BCL3: variants seen among roughly 807,000 people sequenced by gnomAD.
BCL3 encodes the protein B-cell lymphoma 3 protein.
In BCL3, 15 loss-of-function variants were observed where a neutral mutation model predicts 35.7. The observed-to-expected ratio is 0.42, with a 90% CI of 0.28 to 0.65. The LOEUF is 0.65. Among genes scored for constraint, BCL3 ranks in the 30% least tolerant of loss-of-function variants. The pLI is 0.22. For synonymous variants in BCL3, 311 were observed against 284.3 expected (o/e 1.09, Z -0.95); for missense variants, 565 against 641.7 (o/e 0.88, Z 1.29).
At chr19:44,747,926 T>TGCCCCC (rs1599835035), upstream of BCL3, 82 of 1,186,624 alleles carry the variant, frequency 6.9e-5, no homozygotes, top group Middle Eastern at 3.7e-4. Flanking sequence ...AGTGGAGCGC[T>TGCCCCC]CCCCACCCTC....
chr19:44,756,607 G>T (rs192486448), intron 3 of BCL3, among the ~76,000 whole-genome samples: 1 of 149,886 alleles, frequency 6.7e-6, no homozygotes, highest in Admixed American at 6.6e-5. Context: ...CTGGGTCTGA[G>T]GGAGGAGGGC....
chr19:44,758,935 C>A, intron 8 of BCL3, 94 bp downstream of exon 8: 2 of 1,112,092 alleles, frequency 1.8e-6, no homozygotes, highest in South Asian at 1.6e-5. Context: ...ATCCAGGAGT[C>A]CAGGCCCCTA....
chr19:44,756,774 A>AG lies in BCL3; in HGVS notation c.520-240dup, dbSNP rs375139748. ...GGGGCCTAAAGACCTCCTAGTGAGGAGGGAGGGGGCTGGGGACCCAGAATT... is the reference window on the plus strand; with the variant it reads ...GGGGCCTAAAGACCTCCTAGTGAGGAGGGGAGGGGGCTGGGGACCCAGAATT... On this transcript the variant is annotated intron_variant, in intron 3 of 8. Transcript: ENST00000164227. Among the ~76,000 whole-genome samples the AG allele has an allele frequency of 3.6e-3, 509 of 142,912 alleles. 5 individuals carry two copies. Among genetic ancestry groups the AG allele is most frequent in the African/African-American group, 0.013 (492 of 37,994 alleles). The allele number at this position is 142,912 out of a possible 152,430, so 93.8% of individuals were successfully genotyped here.
rs1967321717 is a variant in BCL3 at position 44,757,594 on chromosome 19, C to A, written c.814-52C>A. 2.6e-5 allele frequency: 42 copies of A among 1,599,538 alleles called. No homozygotes were observed. In the South Asian group the frequency reaches 3.5e-4, roughly 13 times the overall value. On this transcript the variant is annotated intron_variant, in intron 5 of 8. Coordinates refer to ENST00000164227, the MANE Select transcript of BCL3 (RefSeq NM_005178.5). The surrounding 1 kb of genome is among the most constrained non-coding windows in gnomAD (Gnocchi z 8.4). ...GGGATGTGGACGGGATGCGGGTCGC[C>A]GGCTGCTGGAGCAGAGCTTGGAGAA...
rs1330571514 is a variant in BCL3 at position 44,759,416 on chromosome 19, T to C, written c.1178-12T>C. The C allele has an allele frequency of 3.2e-6, 5 of 1,540,574 alleles. No individual in the cohort carries two copies. In the South Asian group the frequency reaches 4.5e-5, roughly 14 times the overall value. ...CTCACCACCCACCCCTCTGTCTCTC[T>C]TCCTTCCTCAGGTCTTCTCTCCGCA... On this transcript the variant is annotated splice_polypyrimidine_tract_variant and intron_variant, in intron 8 of 8. Coordinates refer to ENST00000164227, the MANE Select transcript of BCL3 (RefSeq NM_005178.5).
chr19:44,750,950 G>T (rs1967166808), intron 1 of BCL3, among the ~76,000 whole-genome samples: 1 of 152,130 alleles, frequency 6.6e-6, no homozygotes, highest in South Asian at 2.1e-4. Flanking sequence ...TGCACCCTCT[G>T]TTCTTAAGGG....
rs996513695 is a variant in BCL3 at position 44,757,874 on chromosome 19, C to G, written c.891+151C>G. 3 of 775,054 alleles carry G rather than the reference C, an allele frequency of 3.9e-6. No individual in the cohort carries two copies. In the African/African-American group the frequency reaches 5.2e-5, roughly 14 times the overall value. The allele number at this position is 775,054 out of a possible 1,614,324, so 48.0% of individuals were successfully genotyped here. ...CTGATCCTTTAAGGCCTAGTTTTCT[C>G]GACCCTCGGGCTCCACGCCCCTGGC... On this transcript the variant is annotated intron_variant, in intron 6 of 8. Coordinates refer to ENST00000164227, the MANE Select transcript of BCL3 (RefSeq NM_005178.5). This position sits in a 1 kb window ranked among gnomAD's most constrained non-coding sequence, Gnocchi z 8.4.
At chr19:44,751,682 A>T (rs999715171) in intron 2 of BCL3, among the ~76,000 whole-genome samples, 1 of 151,808 alleles carries the variant, frequency 6.6e-6, no homozygotes. Context: ...GCTCACTGCA[A>T]CCTCTGCCCC....
chr19:44,758,651 A>C (rs148275512), intron 7 of BCL3, 73 bp from the exon 8 acceptor site: 1 of 1,386,262 alleles, frequency 7.2e-7, no homozygotes, highest in Non-Finnish European at 1.0e-6. Flanking sequence ...ACCTGGATCC[A>C]GTGAGCTAGG....
In BCL3 at chr19:44,758,350, C is replaced by T; in HGVS notation, c.996C>T (p.Gly332=). The change falls in exon 7 of 9, where the codon GGC becomes GGT. Residue 332 remains glycine (G), a synonymous_variant. Transcript: ENST00000164227. Reference sequence around the variant, plus strand: ...TGGTGCGCACGCTGGTCCGCAGCGGCGCTGACAGCAGCCTCAAGAACTGCC... The same window carrying T: ...TGGTGCGCACGCTGGTCCGCAGCGGTGCTGACAGCAGCCTCAAGAACTGCC... The part of the protein sequence containing the change: ...LPLVRTLVRS[G]ADSSLKNCHN... 6.4e-7 allele frequency: 1 copy of T among 1,557,274 alleles called. No homozygotes were observed.
intron 8 of BCL3, 74 bp downstream of exon 8, chr19:44,758,915 C>T (rs986598609): frequency 7.8e-7 from 1 of 1,284,704 alleles, no homozygotes; most frequent in Non-Finnish European, 1.1e-6. Flanking sequence ...CACAGCCCCT[C>T]CTCCCTCAGA....
intron 3 of BCL3, among the ~76,000 whole-genome samples, 158 bp downstream of exon 3, chr19:44,756,498 G>A (rs1967286408): frequency 6.7e-6 from 1 of 150,006 alleles, no homozygotes; most frequent in African/African-American, 2.5e-5. Context: ...TCCTGGGTCT[G>A]ATGGAGGAGG....
intron 2 of BCL3, among the ~76,000 whole-genome samples, chr19:44,754,464 C>CGGG (rs1967243954): frequency 2.0e-5 from 3 of 152,276 alleles, no homozygotes; most frequent in Admixed American, 2.0e-4. Flanking sequence ...ACAGGCTTCC[C>CGGG]TCCCCCGGGA....
upstream of BCL3, chr19:44,747,947 C>G: frequency 8.1e-7 from 1 of 1,239,156 alleles, no homozygotes; most frequent in Non-Finnish European, 1.0e-6. Context: ...ACCCCACCCC[C>G]AGCCCCTTTA....
chr19:44,759,568 G>A lies in BCL3; in HGVS notation c.1318G>A (p.Gly440Ser), dbSNP rs780610389. 2.1e-5 allele frequency: 34 copies of A among 1,610,446 alleles called. No homozygotes were observed. Among genetic ancestry groups the A allele is most frequent in the Non-Finnish European group, 2.7e-5 (32 of 1,179,386 alleles). ...AFLPFAGVLR[G>S]PGRPVPPSPA... Reference sequence around the variant, plus strand: ...CCTGCCCTTTGCTGGGGTCCTCCGAGGCCCTGGCCGGCCGGTGCCCCCCTC... The same window carrying A: ...CCTGCCCTTTGCTGGGGTCCTCCGAAGCCCTGGCCGGCCGGTGCCCCCCTC... The change falls in exon 9 of 9, where the codon GGC (glycine) becomes AGC (serine). Residue 440 changes from glycine (G) to serine (S), a missense_variant. Physicochemically the swap from Gly to Ser is moderately conservative, Grantham distance 56. Around this residue, in one of 5 missense-constraint regions of BCL3, gnomAD observed 151 missense variants for 138.1 expected, o/e 1.09. Transcript: ENST00000164227.
chr19:44,748,354 A>G (rs967993479), upstream of BCL3, among the ~76,000 whole-genome samples: 4 of 152,092 alleles, frequency 2.6e-5, no homozygotes, highest in Non-Finnish European at 4.4e-5. Flanking sequence ...TCAGAGATAG[A>G]GATGTTGAGA....
upstream of BCL3, chr19:44,748,600 C>T: frequency 1.7e-6 from 1 of 598,106 alleles, no homozygotes; most frequent in Non-Finnish European, 2.1e-6. Context: ...AGCGGCGGGT[C>T]CAGGAAACCC....
intron 7 of BCL3, 81 bp from the exon 8 acceptor site, chr19:44,758,643 C>T (rs538914142): frequency 7.4e-7 from 1 of 1,358,434 alleles, no homozygotes; most frequent in Non-Finnish European, 1.0e-6. Flanking sequence ...AGGCCACCAC[C>T]TGGATCCAGT....
At chr19:44,752,803 T>C (rs1203498337) in intron 2 of BCL3, among the ~76,000 whole-genome samples, 1 of 152,126 alleles carries the variant, frequency 6.6e-6, no homozygotes, top group Non-Finnish European at 1.5e-5. Context: ...TCAGTTTCCC[T>C]CTCTGTAAAA....
Sources: allele counts gnomAD v4.1 joint callset (sites outside exome capture counted in the v4.1 genomes callset), GRCh38; gene constraint gnomAD v4.1.1; regional missense constraint gnomAD v4.1.1; non-coding constraint Gnocchi (gnomAD v3.1); transcripts MANE v1.5; gene names NCBI Gene and HGNC (gene_info 2026-07-23, HGNC 2026-07-21).